The following PSMA7 variants were observed in gnomAD, a reference collection of about 807,000 sequenced individuals.
PSMA7 encodes the protein proteasome 20S subunit alpha 7, also known as proteasome subunit alpha type-7.
Under a neutral mutation model 31.3 loss-of-function variants are expected in PSMA7, and 5 were observed. The observed-to-expected ratio is 0.16, with a 90% CI of 0.08 to 0.34. PSMA7 has a LOEUF of 0.34. PSMA7 is among the 10% of genes least tolerant of loss of function. The pLI is 1.00. For missense variants in PSMA7, 217 were observed against 327.5 expected, an observed-to-expected ratio of 0.66 and a Z score of 2.60; for synonymous variants, 155 against 121.9, an observed-to-expected ratio of 1.27 and a Z score of -1.79.
intron 1 of PSMA7, among the ~76,000 whole-genome samples, chr20:62,141,796 C>T (rs1171743058): frequency 5.9e-5 from 9 of 152,246 alleles, no homozygotes; most frequent in African/African-American, 1.4e-4. Flanking sequence ...TTATCCCAAA[C>T]TGTTTATGGC....
intron 2 of PSMA7, among the ~76,000 whole-genome samples, 168 bp from the exon 3 acceptor site, chr20:62,140,073 A>G (rs757418633): frequency 3.3e-5 from 5 of 152,202 alleles, no homozygotes; most frequent in Admixed American, 6.5e-5. Flanking sequence ...CTTCCAGGAA[A>G]TTGGGTACAG....
rs755215326 is a variant in PSMA7, at chr20:62,137,449, G to A, written c.592-23C>T. On this transcript the variant is annotated intron_variant, in intron 5 of 6. Transcript: ENST00000370873. ...CACCTTGAAGGGACAGAAGACAGGA[G>A]CATTAACCACCTTTCCCTATTCAAG... is the stretch of plus-strand genomic sequence containing the variant. The A allele has an allele frequency of 6.8e-6, 11 of 1,611,560 alleles. 1 individual carries two copies. Among genetic ancestry groups the A allele is most frequent in the South Asian group, 1.1e-5 (1 of 91,042 alleles).
chr20:62,137,555 C>G lies in PSMA7; in HGVS notation c.592-129G>C, dbSNP rs1485795280. On this transcript the variant is annotated intron_variant, in intron 5 of 6. Transcript: ENST00000370873. ...TCCCAGGAACAGAGGTCCCAGCCCC[C>G]AAAACCTGTGTCTTTGTCCTAAACT... 5 of 859,574 alleles carry G rather than the reference C, an allele frequency of 5.8e-6. No homozygotes were observed. In the East Asian group the frequency reaches 1.2e-4, roughly 21 times the overall value. 53.2% of individuals were successfully genotyped at this position (859,574 alleles called of 1,614,324 possible).
intron 3 of PSMA7, chr20:62,139,564 G>A (rs1600967415): frequency 3.7e-6 from 3 of 804,528 alleles, no homozygotes; most frequent in Non-Finnish European, 6.0e-6. Flanking sequence ...TCCAGACACA[G>A]GAATTTGGAA....
intron 4 of PSMA7, 152 bp downstream of exon 4, chr20:62,138,923 A>G: frequency 9.4e-7 from 1 of 1,060,046 alleles, no homozygotes; most frequent in Non-Finnish European, 1.3e-6. Flanking sequence ...CCAAACAGCA[A>G]TGTTTAATCA....
chr20:62,140,034 T>A, intron 2 of PSMA7, 129 bp from the exon 3 acceptor site: 1 of 1,268,500 alleles, frequency 7.9e-7, no homozygotes, highest in Non-Finnish European at 1.1e-6. Context: ...TCTAACTGAC[T>A]GGCAGCGGAA....
intron 5 of PSMA7, among the ~76,000 whole-genome samples, chr20:62,137,893 T>TGGGTTCACATCCTGCCTC (rs372600531): frequency 3.3e-5 from 5 of 152,224 alleles, no homozygotes; most frequent in African/African-American, 1.2e-4. Context: ...GCTGGACAGC[T>TGGGTTCACATCCTGCCTC]GGGTTCACAT....
In PSMA7 at chr20:62,139,152, G is replaced by C. The variant is rs1212612806; in HGVS notation, c.394C>G (p.Leu132Val). ...NGRRPFGISALIVGFDFDGTP... is the reference protein window; with the variant it reads ...NGRRPFGISAVIVGFDFDGTP... Reference sequence around the variant, plus strand: ...CCATCAAAGTCGAAACCCACGATGAGGGCAGAGATGCCAAACGGCCTGCGC... The same window carrying C: ...CCATCAAAGTCGAAACCCACGATGACGGCAGAGATGCCAAACGGCCTGCGC... Residue 132 changes from leucine (L) to valine (V), a missense_variant, in exon 4 of 7, where the codon CTC becomes GTC. Leu to Val is a conservative substitution (Grantham distance 32). This residue lies in a region of PSMA7 where 53 missense variants were observed against 119.4 expected (regional missense o/e 0.44). Coordinates refer to ENST00000370873, the MANE Select transcript of PSMA7 (RefSeq NM_002792.4). 6.2e-7 allele frequency: 1 copy of C among 1,614,068 alleles called. No homozygotes were observed. Among genetic ancestry groups the C allele is most frequent in the Non-Finnish European group, 8.5e-7 (1 of 1,180,022 alleles).
rs2056896025 is a variant in PSMA7 at position 62,136,774 on chromosome 20, AAATGG to A, written c.*78_*82del. 4.6e-6 allele frequency: 7 copies of A among 1,510,344 alleles called. No individual in the cohort carries two copies. Among genetic ancestry groups the A allele is most frequent in the Non-Finnish European group, 5.3e-6 (6 of 1,133,290 alleles). The allele number at this position is 1,510,344 out of a possible 1,614,324, so 93.6% of individuals were successfully genotyped here. On this transcript the variant is annotated 3_prime_UTR_variant, in exon 7 of 7. Coordinates refer to ENST00000370873, the MANE Select transcript of PSMA7 (RefSeq NM_002792.4). ...TTATTGTAGGACACTCAGTGTGAAT[AAATGG>A]AATGGAAAGGCCTACACATCGAGAC... is the stretch of plus-strand genomic sequence containing the variant.
chr20:62,139,618 T>C, intron 3 of PSMA7, 163 bp downstream of exon 3: 1 of 1,123,772 alleles, frequency 8.9e-7, no homozygotes, highest in African/African-American at 1.5e-5. Context: ...TTACTGAAAT[T>C]GGTGAGCTAG....
At chr20:62,137,315 C>T in intron 6 of PSMA7, 49 bp downstream of exon 6, 1 of 1,578,486 alleles carries the variant, frequency 6.3e-7, no homozygotes, top group Non-Finnish European at 8.7e-7. Context: ...CAGCCCTGAT[C>T]ATGGGAGAAA....
In PSMA7 at chr20:62,139,078, C is replaced by G; in HGVS notation, c.468G>C (p.Trp156Cys). ...QTDPSGTYHA[W>C]KANAIGRGAK... Reference sequence around the variant, plus strand: ...AGCCCCTTTGTCACGAACTCACCTTCCAGGCATGGTATGTGCCCGAGGGGT... The same window carrying G: ...AGCCCCTTTGTCACGAACTCACCTTGCAGGCATGGTATGTGCCCGAGGGGT... Residue 156 changes from tryptophan to cysteine, a missense_variant, in exon 4 of 7, where the codon TGG (tryptophan) becomes TGC (cysteine). Coordinates refer to ENST00000370873, the MANE Select transcript of PSMA7 (RefSeq NM_002792.4). The G allele has an allele frequency of 6.2e-7, 1 of 1,613,784 alleles. No individual in the cohort carries two copies. The highest frequency in any genetic ancestry group is 8.5e-7 in the Non-Finnish European group (1 of 1,179,814).
At chr20:62,139,233 TAAG>T (rs1568725962) in intron 3 of PSMA7, 36 bp from the exon 4 acceptor site, 1 of 1,599,096 alleles carries the variant, frequency 6.3e-7, no homozygotes, top group Non-Finnish European at 8.5e-7. Flanking sequence ...GCCATCCAAT[TAAG>T]AAACTGCATG....
chr20:62,140,003 C>A, intron 2 of PSMA7, 98 bp from the exon 3 acceptor site: 2 of 1,442,290 alleles, frequency 1.4e-6, no homozygotes, highest in South Asian at 2.6e-5. Flanking sequence ...CACAGACCCC[C>A]CAAACCGGCA....
rs1161181470 is a variant in PSMA7 at position 62,139,800 on chromosome 20, T to C, written c.329A>G (p.Tyr110Cys). ...DPVTVEYITR[Y>C]IASLKQRYTQ... is the part of the protein sequence containing the mutation. ...ACCCACCTGCTTCAGACTGGCGATG[T>C]AGCGGGTGATGTACTCCACAGTGAC... Residue 110 changes from tyrosine to cysteine, a missense_variant, in exon 3 of 7, where the codon TAC becomes TGC. Tyr to Cys is a radical substitution (Grantham distance 194). Transcript: ENST00000370873. The C allele has an allele frequency of 1.2e-6, 2 of 1,614,102 alleles. No individual in the cohort carries two copies. The highest frequency in any genetic ancestry group is 3.3e-5 in the Admixed American group (2 of 60,030).
intron 3 of PSMA7, chr20:62,139,542 C>T (rs1396398287): frequency 2.6e-6 from 2 of 765,484 alleles, no homozygotes; most frequent in Non-Finnish European, 4.2e-6. Context: ...AAGACAAAAG[C>T]TATCATTTCC....
chr20:62,138,550 ATTTTTT>A (rs59188263), intron 4 of PSMA7, among the ~76,000 whole-genome samples: 45 of 126,354 alleles, frequency 3.6e-4, no homozygotes, highest in African/African-American at 1.2e-3. Context: ...GCAATGGGAG[ATTTTTT>A]TTTTTTTTTT....
intron 5 of PSMA7, 61 bp downstream of exon 5, chr20:62,138,110 C>CCA: frequency 6.2e-7 from 1 of 1,610,820 alleles, no homozygotes; most frequent in Non-Finnish European, 8.5e-7. Flanking sequence ...CATCTACCTA[C>CCA]CACTCACCAC....
At chr20:62,138,391 T>G (rs2056907670) in intron 4 of PSMA7, 101 bp from the exon 5 acceptor site, 1 of 1,461,156 alleles carries the variant, frequency 6.8e-7, no homozygotes, top group South Asian at 1.4e-5. Context: ...CCAGTGGCAG[T>G]GGCAGGAGGC....
Sources: allele counts gnomAD v4.1 joint callset (sites outside exome capture counted in the v4.1 genomes callset), GRCh38; gene constraint gnomAD v4.1.1; regional missense constraint gnomAD v4.1.1; transcripts MANE v1.5; gene names NCBI Gene and HGNC (gene_info 2026-07-23, HGNC 2026-07-21).